TOX3: variants seen among roughly 807,000 people sequenced by gnomAD.
TOX3 encodes the protein TOX high mobility group box family member 3, also known as CAG trinucleotide repeat-containing gene F9 protein.
A neutral mutation model predicts 64.3 loss-of-function variants in TOX3; 22 were observed. The observed-to-expected ratio is 0.34, with a 90% CI of 0.24 to 0.49. The LOEUF (loss-of-function observed/expected upper bound fraction) is 0.49, where lower values mean the gene tolerates loss of function less well. Ranked by LOEUF, TOX3 falls within the 20% of genes least tolerant of loss-of-function variation. The pLI, the probability that TOX3 is intolerant of heterozygous loss-of-function variation, is 0.99. For missense variants in TOX3, 661 were observed against 714.4 expected, an observed-to-expected ratio of 0.93 and a Z score of 0.85; for synonymous variants, 291 against 273.6, an observed-to-expected ratio of 1.06 and a Z score of -0.63.
chr16:52,452,294 G>A (rs1960374339), intron 3 of TOX3, among the ~76,000 whole-genome samples: 2 of 152,140 alleles, frequency 1.3e-5, no homozygotes, highest in African/African-American at 4.8e-5. Flanking sequence ...CAATACAAAA[G>A]TAAACATTGT....
intron 1 of TOX3, among the ~76,000 whole-genome samples, chr16:52,507,750 G>A (rs1463075506): frequency 1.3e-5 from 2 of 152,230 alleles, no homozygotes; most frequent in African/African-American, 2.4e-5. Flanking sequence ...ATACTGAGAA[G>A]TGAAATACAT....
At chr16:52,487,673 A>G in intron 1 of TOX3, among the ~76,000 whole-genome samples, 1 of 152,228 alleles carries the variant, frequency 6.6e-6, no homozygotes, top group Admixed American at 6.5e-5. Context: ...GTTGTCCTGT[A>G]TCTTTTCAAT....
intron 1 of TOX3, among the ~76,000 whole-genome samples, chr16:52,486,951 A>C (rs1345829717): frequency 6.6e-6 from 1 of 152,084 alleles, no homozygotes; most frequent in South Asian, 2.1e-4. Context: ...TTAATTAATT[A>C]ATTTTTAAAA....
chr16:52,518,451 G>A (rs1962513536), intron 1 of TOX3, among the ~76,000 whole-genome samples: 2 of 152,202 alleles, frequency 1.3e-5, no homozygotes, highest in Non-Finnish European at 2.9e-5. Flanking sequence ...GATACAATAT[G>A]TAAGACCCAG....
At chr16:52,525,933 G>T (rs1208565842) in intron 1 of TOX3, among the ~76,000 whole-genome samples, 2 of 152,130 alleles carry the variant, frequency 1.3e-5, no homozygotes, top group African/African-American at 4.8e-5. Flanking sequence ...AAGAACTAAA[G>T]GTTTGTTTGT....
intron 1 of TOX3, among the ~76,000 whole-genome samples, chr16:52,497,849 C>G (rs1961889733): frequency 6.6e-6 from 1 of 151,934 alleles, no homozygotes; most frequent in African/African-American, 2.4e-5. Context: ...CTTTTCATAA[C>G]AAGGTATTTT....
At chr16:52,515,379 A>G (rs1299826204) in intron 1 of TOX3, among the ~76,000 whole-genome samples, 3 of 152,192 alleles carry the variant, frequency 2.0e-5, no homozygotes, top group African/African-American at 7.2e-5. Context: ...ACTAAAAAGT[A>G]TAATTTTTAA....
chr16:52,519,902 C>T (rs1317771437), intron 1 of TOX3, among the ~76,000 whole-genome samples: 11 of 151,022 alleles, frequency 7.3e-5, no homozygotes, highest in Middle Eastern at 3.4e-3. Context: ...GTCAAGGCTG[C>T]GGTGAGCACA....
chr16:52,526,481 T>C (rs1962729139), intron 1 of TOX3, among the ~76,000 whole-genome samples: 1 of 151,682 alleles, frequency 6.6e-6, no homozygotes, highest in South Asian at 2.1e-4. Context: ...TCTCCCCCAA[T>C]CTTTTTTGTG....
rs557905490 is a variant in TOX3 at position 52,534,557 on chromosome 16, A to T, written c.87+12080T>A. Among the ~76,000 whole-genome samples the T allele has an allele frequency of 7.2e-5, 11 of 152,090 alleles. 1 individual carries two copies. Among genetic ancestry groups the T allele is most frequent in the African/African-American group, 2.4e-4 (10 of 41,490 alleles). The stretch of plus-strand genomic sequence containing the variant: ...GAAGCTAAATCAGGAGGTTTGCTTG[A>T]ACCCAGGAGTTTGAGGCTGCAGTGG... On this transcript the variant is annotated intron_variant, in intron 1 of 6. Coordinates refer to ENST00000219746, the MANE Select transcript of TOX3 (RefSeq NM_001080430.4).
intron 1 of TOX3, chr16:52,519,710 C>A (rs2151477893): frequency 2.5e-6 from 2 of 789,254 alleles, no homozygotes; most frequent in South Asian, 3.5e-5. Context: ...GTAATCCCAG[C>A]ACTTTGGGAG....
At chr16:52,484,195 T>C (rs571157904) in intron 1 of TOX3, among the ~76,000 whole-genome samples, 3 of 152,214 alleles carry the variant, frequency 2.0e-5, no homozygotes, top group Non-Finnish European at 4.4e-5. Context: ...TTAAACAAAG[T>C]CTTTCCAAGA....
chr16:52,522,170 T>C (rs1402439566), intron 1 of TOX3, among the ~76,000 whole-genome samples: 2 of 152,166 alleles, frequency 1.3e-5, no homozygotes, highest in Non-Finnish European at 2.9e-5. Context: ...TAAATAATAG[T>C]ATTTTCTCCA....
At chr16:52,542,097 G>C (rs902151809) in intron 1 of TOX3, among the ~76,000 whole-genome samples, 1 of 152,194 alleles carries the variant, frequency 6.6e-6, no homozygotes, top group Non-Finnish European at 1.5e-5. Context: ...TTTAATGTTT[G>C]ATGGGGCATG....
At chr16:52,539,610 A>G (rs979457364) in intron 1 of TOX3, among the ~76,000 whole-genome samples, 1 of 152,152 alleles carries the variant, frequency 6.6e-6, no homozygotes, top group Admixed American at 6.5e-5. Flanking sequence ...CTTCCTCTTG[A>G]AGGACTCAAA....
At chr16:52,472,186 A>G (rs1047087024) in intron 1 of TOX3, among the ~76,000 whole-genome samples, 13 of 152,162 alleles carry the variant, frequency 8.5e-5, no homozygotes, top group African/African-American at 2.7e-4. Flanking sequence ...CCTTCATCCA[A>G]CAAATATTTA....
At chr16:52,480,388 G>C (rs1322588088) in intron 1 of TOX3, among the ~76,000 whole-genome samples, 1 of 152,120 alleles carries the variant, frequency 6.6e-6, no homozygotes, top group African/African-American at 2.4e-5. Context: ...CGTAGTTCTT[G>C]CTGCAATCCA....
chr16:52,505,525 G>A (rs1269134625), intron 1 of TOX3, among the ~76,000 whole-genome samples: 1 of 152,124 alleles, frequency 6.6e-6, no homozygotes, highest in African/African-American at 2.4e-5. Context: ...CACTAGATTG[G>A]GTTTTCATGA....
chr16:52,504,228 T>G (rs1326624675), intron 1 of TOX3, among the ~76,000 whole-genome samples: 1 of 151,820 alleles, frequency 6.6e-6, no homozygotes, highest in Non-Finnish European at 1.5e-5. Flanking sequence ...GCACTTTGGG[T>G]GGCTGAGGCA....
Sources: gnomAD v4.1 joint callset for allele counts (sites outside exome capture counted in the v4.1 genomes callset) on GRCh38, gnomAD v4.1.1 for gene constraint, MANE v1.5 for transcripts, NCBI Gene and HGNC (gene_info 2026-07-23, HGNC 2026-07-21) for gene names.